NCF4: variants seen among roughly 807,000 people sequenced by gnomAD.
The protein encoded by NCF4 is neutrophil cytosol factor 4.
Under a neutral mutation model 41.7 loss-of-function variants are expected in NCF4, and 30 were observed. The ratio of observed to expected loss-of-function variants is 0.72; its 90% confidence interval spans 0.54 to 0.97. NCF4 has a LOEUF of 0.97. NCF4 is among the 50% of genes least tolerant of loss of function. The probability of loss-of-function intolerance (pLI) is 0.00; values close to 1 mark genes in which losing one functional copy is unlikely to be tolerated. For missense variants in NCF4, 432 were observed against 460.9 expected, an observed-to-expected ratio of 0.94 and a Z score of 0.57; for synonymous variants, 195 against 175.8, an observed-to-expected ratio of 1.11 and a Z score of -0.87.
At chr22:36,875,879 C>T in intron 8 of NCF4, 96 bp downstream of exon 8, 1 of 1,614,200 alleles carries the variant, frequency 6.2e-7, no homozygotes, top group African/African-American at 1.3e-5. Flanking sequence ...CTCTCCCACT[C>T]CAAAGCCCCC....
intron 7 of NCF4, among the ~76,000 whole-genome samples, chr22:36,873,469 G>A (rs1940128717): frequency 6.6e-6 from 1 of 150,842 alleles, no homozygotes; most frequent in South Asian, 2.1e-4. Flanking sequence ...AGAGACTGAG[G>A]ATGGTCTCAG....
Position 36,877,899 on chromosome 22 carries a change from A to T in NCF4, c.*76A>T. The T allele has an allele frequency of 1.4e-6, 2 of 1,451,502 alleles. No homozygotes were observed. The highest frequency in any genetic ancestry group is 1.9e-6 in the Non-Finnish European group (2 of 1,060,360). The allele number at this position is 1,451,502 out of a possible 1,614,324, so 89.9% of individuals were successfully genotyped here. On this transcript the variant is annotated 3_prime_UTR_variant, in exon 10 of 10. Coordinates refer to ENST00000248899, the MANE Select transcript of NCF4 (RefSeq NM_000631.5). ...TCTCAGAGGAGATTGGGACCAGGAA[A>T]ACCTGGGAGGATGGGCAGACTTCCT...
chr22:36,871,710 G>T lies in NCF4; in HGVS notation c.528+1G>T, dbSNP rs1940059511. On this transcript the variant is annotated splice_donor_variant, in intron 6 of 9. Coordinates refer to ENST00000248899, the MANE Select transcript of NCF4 (RefSeq NM_000631.5). LOFTEE classifies it high-confidence loss of function. ...CCGCATGGCAGCTCCGAGAGCAGAGGTAACCCCCGCCCCCACGCTGGCCAG... is the reference window on the plus strand; with the variant it reads ...CCGCATGGCAGCTCCGAGAGCAGAGTTAACCCCCGCCCCCACGCTGGCCAG... 1 of 1,561,922 alleles carries T rather than the reference G, an allele frequency of 6.4e-7. No homozygotes were observed. The highest frequency in any genetic ancestry group is 1.4e-5 in the African/African-American group (1 of 73,716).
chr22:36,866,273 G>A (rs952598202), intron 3 of NCF4, among the ~76,000 whole-genome samples: 8 of 152,036 alleles, frequency 5.3e-5, no homozygotes, highest in Middle Eastern at 3.4e-3. Context: ...AATTCCTCTC[G>A]GTGAGGTGGG....
chr22:36,864,969 C>T lies in NCF4; in HGVS notation c.168C>T (p.Tyr56=). 1.9e-6 allele frequency: 3 copies of T among 1,614,116 alleles called. No individual in the cohort carries two copies. The highest frequency in any genetic ancestry group is 2.5e-6 in the Non-Finnish European group (3 of 1,180,020). Residue 56 remains tyrosine (Y), a synonymous_variant, in exon 3 of 10, where the codon TAC becomes TAT. Transcript: ENST00000248899. ...KTKGGSKYLI[Y]RRYRQFHALQ... The stretch of plus-strand genomic sequence containing the variant: ...AAGGAGGATCCAAGTACCTCATCTA[C>T]CGCCGCTACCGCCAGTTCCATGCTT...
chr22:36,862,007 G>A (rs952412694), intron 1 of NCF4, among the ~76,000 whole-genome samples: 5 of 152,228 alleles, frequency 3.3e-5, no homozygotes, highest in Admixed American at 3.3e-4. Context: ...GGGTCACAGA[G>A]AGTGACTGGC....
At position 36,865,934 on chromosome 22, in the gene NCF4, C is replaced by G. The variant is rs2145707093; in HGVS notation, c.271+862C>G. Among the ~76,000 whole-genome samples the G allele has an allele frequency of 6.6e-6, 1 of 152,264 alleles. No homozygotes were observed. Among genetic ancestry groups the G allele is most frequent in the East Asian group, 1.9e-4 (1 of 5,162 alleles). ...AGTCTTGCCTACTCTAAGCCAGCCT[C>G]CCCTCTCAGGCTCCATCATTTTCCC... On this transcript the variant is annotated intron_variant, in intron 3 of 9. Transcript: ENST00000248899. The surrounding 1 kb of genome is among the most constrained non-coding windows in gnomAD (Gnocchi z 4.3).
chr22:36,872,737 A>AGGTTGGAGGTGAGATTGGAGG (rs1940096502), intron 7 of NCF4, among the ~76,000 whole-genome samples: 3 of 32,644 alleles, frequency 9.2e-5, no homozygotes, highest in South Asian at 1.1e-3. Context: ...GAGATTGGAG[A>AGGTTGGAGGTGAGATTGGAGG]TGAGATTGGA....
intron 9 of NCF4, among the ~76,000 whole-genome samples, chr22:36,876,656 C>T (rs1221296189): frequency 6.6e-6 from 1 of 152,174 alleles, no homozygotes; most frequent in Non-Finnish European, 1.5e-5. Context: ...TTTGGCTGCA[C>T]AAAACCTTTC....
rs1940229357 is a variant in NCF4, at chr22:36,877,899, A to C, written c.*76A>C. 6.9e-7 allele frequency: 1 copy of C among 1,451,384 alleles called. No homozygotes were observed. The highest frequency in any genetic ancestry group is 1.4e-5 in the African/African-American group (1 of 70,636). 89.9% of individuals were successfully genotyped at this position (1,451,384 alleles called of 1,614,324 possible). ...TCTCAGAGGAGATTGGGACCAGGAA[A>C]ACCTGGGAGGATGGGCAGACTTCCT... On this transcript the variant is annotated 3_prime_UTR_variant, in exon 10 of 10. Transcript: ENST00000248899.
At position 36,876,012 on chromosome 22, in the gene NCF4, G is replaced by A. The variant is rs1221106323; in HGVS notation, c.759-17G>A. ...TCCAGCCTGATGCCTCCTTACTCCA[G>A]CCTGTCACCCCCTTAGGGACATCGC... On this transcript the variant is annotated splice_polypyrimidine_tract_variant and intron_variant, in intron 8 of 9. Transcript: ENST00000248899. 6.2e-7 allele frequency: 1 copy of A among 1,613,916 alleles called. No homozygotes were observed. The highest frequency in any genetic ancestry group is 1.1e-5 in the South Asian group (1 of 91,066).
chr22:36,871,948 C>T (rs1206641116), intron 6 of NCF4, among the ~76,000 whole-genome samples: 1 of 152,276 alleles, frequency 6.6e-6, no homozygotes, highest in Non-Finnish European at 1.5e-5. Flanking sequence ...CATCCCTACG[C>T]TCATCCGGAC....
At chr22:36,863,176 A>G (rs1279224558) in intron 1 of NCF4, among the ~76,000 whole-genome samples, 2 of 152,156 alleles carry the variant, frequency 1.3e-5, no homozygotes, top group Non-Finnish European at 2.9e-5. Flanking sequence ...ATTGAGCAGT[A>G]CTGAGCACCT....
At chr22:36,872,869 A>G (rs1355857531) in intron 7 of NCF4, among the ~76,000 whole-genome samples, 3 of 72,538 alleles carry the variant, frequency 4.1e-5, no homozygotes, top group Admixed American at 1.5e-4. Flanking sequence ...TGAGACTGGC[A>G]GTAAGGTTGG....
chr22:36,876,405 C>A (rs1601556956), intron 9 of NCF4, among the ~76,000 whole-genome samples: 1 of 152,050 alleles, frequency 6.6e-6, no homozygotes. Context: ...GGACTCACTA[C>A]CCCCCCAGGT....
At position 36,876,171 on chromosome 22, in the gene NCF4, A is replaced by G. The variant is rs574975074; in HGVS notation, c.824+77A>G. 76 of 1,371,628 alleles carry G rather than the reference A, an allele frequency of 5.5e-5. No individual in the cohort carries two copies. In the East Asian group the frequency reaches 1.8e-3, roughly 33 times the overall value. 85.0% of individuals were successfully genotyped at this position (1,371,628 alleles called of 1,614,324 possible). A position where few individuals can be genotyped will look rare whatever the true frequency, so the allele number is the denominator to read the frequency against. ...GCAGGGAGAAATGTTAAGCACTAGT[A>G]TTAAGGTGCTGGGGTTTTGCGTGTA... On this transcript the variant is annotated intron_variant, in intron 9 of 9. Transcript: ENST00000248899.
intron 2 of NCF4, 136 bp from the exon 3 acceptor site, chr22:36,864,783 T>G: frequency 9.8e-7 from 1 of 1,021,160 alleles, no homozygotes; most frequent in Admixed American, 2.0e-5. Flanking sequence ...TTGACAGGGG[T>G]CTCCTTCTCC....
At chr22:36,867,364 C>A in intron 3 of NCF4, 28 bp from the exon 4 acceptor site, 1 of 1,613,926 alleles carries the variant, frequency 6.2e-7, no homozygotes, top group Non-Finnish European at 8.5e-7. Flanking sequence ...GGGCCAGGCT[C>A]CTAGGACAGC....
At position 36,867,423 on chromosome 22, in the gene NCF4, C is replaced by T. The variant is rs746977479; in HGVS notation, c.303C>T (p.Ile101=). Residue 101 remains isoleucine (I), a synonymous_variant, in exon 4 of 10, where the codon ATC becomes ATT. Coordinates refer to ENST00000248899, the MANE Select transcript of NCF4 (RefSeq NM_000631.5). Reference sequence around the variant, plus strand: ...TCTACGTGGGTGTGAAACAGGAGATCGCCGAGATGCGGATACCTGCCCTCA... The same window carrying T: ...TCTACGTGGGTGTGAAACAGGAGATTGCCGAGATGCGGATACCTGCCCTCA... ...AKVYVGVKQE[I]AEMRIPALNA... 17 of 1,614,164 alleles carry T rather than the reference C, an allele frequency of 1.1e-5. No homozygotes were observed. Among genetic ancestry groups the T allele is most frequent in the African/African-American group, 5.3e-5 (4 of 75,030 alleles).
Sources: allele counts gnomAD v4.1 joint callset (sites outside exome capture counted in the v4.1 genomes callset), GRCh38; gene constraint gnomAD v4.1.1; non-coding constraint Gnocchi (gnomAD v3.1); transcripts MANE v1.5; gene names NCBI Gene and HGNC (gene_info 2026-07-23, HGNC 2026-07-21).